The following DYM variants were observed in gnomAD, a reference collection of about 807,000 sequenced individuals.
The protein encoded by DYM is dyggve-Melchior-Clausen syndrome protein.
Under a neutral mutation model 93.1 loss-of-function variants are expected in DYM, and 78 were observed. The ratio of observed to expected loss-of-function variants is 0.84; its 90% CI spans 0.70 to 1.01. The LOEUF (loss-of-function observed/expected upper bound fraction) is 1.01. DYM is among the 50% of genes least tolerant of loss of function. DYM has a pLI of 0.00. For missense variants in DYM, 789 were observed against 845.0 expected, an observed-to-expected ratio of 0.93 and a Z score of 0.82; for synonymous variants, 321 against 319.7, an observed-to-expected ratio of 1.00 and a Z score of -0.04.
At chr18:49,139,366 T>C (rs904997263) in intron 15 of DYM, among the ~76,000 whole-genome samples, 2 of 152,204 alleles carry the variant, frequency 1.3e-5, no homozygotes, top group African/African-American at 4.8e-5. Context: ...TTTTAAATTT[T>C]ATAATTTTCA....
intron 13 of DYM, among the ~76,000 whole-genome samples, chr18:49,242,305 T>C (rs2094033143): frequency 6.6e-6 from 1 of 152,104 alleles, no homozygotes; most frequent in South Asian, 2.1e-4. Context: ...TCCCAGCTAC[T>C]TGGGAGGCTG....
At chr18:49,313,461 A>C (rs12960714) in intron 8 of DYM, among the ~76,000 whole-genome samples, 4 of 106,370 alleles carry the variant, frequency 3.8e-5, no homozygotes, top group Admixed American at 9.4e-5. Context: ...AGACTCTGTC[A>C]CAAAAAAAAA....
chr18:49,308,809 T>C (rs2146312210), intron 8 of DYM, among the ~76,000 whole-genome samples: 1 of 152,264 alleles, frequency 6.6e-6, no homozygotes, highest in East Asian at 1.9e-4. Context: ...AATGGCTTCC[T>C]GCTCAGGTAG....
At chr18:49,391,327 C>A (rs747068556) in intron 3 of DYM, 1 of 399,476 alleles carries the variant, frequency 2.5e-6, no homozygotes, top group Non-Finnish European at 4.7e-6. Flanking sequence ...TTCAGTATTT[C>A]AAAATTCACA....
chr18:49,199,260 G>A (rs1057038217), intron 14 of DYM, among the ~76,000 whole-genome samples: 2 of 152,190 alleles, frequency 1.3e-5, no homozygotes, highest in Non-Finnish European at 2.9e-5. Flanking sequence ...GATAGCATTA[G>A]GAGATATACC....
At chr18:49,196,462 C>CACAG (rs1298868220) in intron 14 of DYM, among the ~76,000 whole-genome samples, 1 of 151,948 alleles carries the variant, frequency 6.6e-6, no homozygotes, top group African/African-American at 2.4e-5. Context: ...CACACACACA[C>CACAG]ACACATTTTC....
At chr18:49,400,423 C>T (rs2070680974) in intron 2 of DYM, among the ~76,000 whole-genome samples, 1 of 152,118 alleles carries the variant, frequency 6.6e-6, no homozygotes, top group Non-Finnish European at 1.5e-5. Flanking sequence ...GCACCACTGC[C>T]ACTGCCTCGT....
chr18:49,358,733 T>C (rs1309045912), intron 6 of DYM, among the ~76,000 whole-genome samples: 1 of 152,152 alleles, frequency 6.6e-6, no homozygotes, highest in Non-Finnish European at 1.5e-5. Flanking sequence ...AGGCCTACTC[T>C]GAGCAGACCT....
chr18:49,306,688 T>G (rs1422286572), intron 8 of DYM, among the ~76,000 whole-genome samples: 2 of 152,236 alleles, frequency 1.3e-5, no homozygotes, highest in Non-Finnish European at 1.5e-5. Flanking sequence ...AACAGGCTTC[T>G]AACTTCTCGA....
chr18:49,124,553 C>T (rs2082651726), intron 15 of DYM, among the ~76,000 whole-genome samples: 1 of 151,186 alleles, frequency 6.6e-6, no homozygotes, highest in Admixed American at 6.6e-5. Context: ...GCATGTTCTA[C>T]ATTAGTTTTT....
At chr18:49,333,700 A>G (rs974002021) in intron 7 of DYM, 28 bp downstream of exon 7, 2 of 1,611,080 alleles carry the variant, frequency 1.2e-6, no homozygotes, top group Non-Finnish European at 1.7e-6. Flanking sequence ...CAATGAAAAA[A>G]CTAGACATAC....
intron 1 of DYM, among the ~76,000 whole-genome samples, chr18:49,435,805 A>C (rs2080810756): frequency 6.6e-6 from 1 of 152,134 alleles, no homozygotes; most frequent in Admixed American, 6.5e-5. Context: ...AAACAAAAAC[A>C]AACAAACAAA....
At chr18:49,394,039 A>C (rs2069729673) in intron 2 of DYM, among the ~76,000 whole-genome samples, 2 of 152,154 alleles carry the variant, frequency 1.3e-5, no homozygotes, top group South Asian at 2.1e-4. Context: ...CAAGATTAAA[A>C]AGTTTTAGAG....
rs2070903682 is a variant in DYM, at chr18:49,041,216, G to A, written c.*2839C>T. Among the ~76,000 whole-genome samples, 1 of 152,218 alleles carries A rather than the reference G, an allele frequency of 6.6e-6. No individual in the cohort carries two copies. The highest frequency in any genetic ancestry group is 2.4e-5 in the African/African-American group (1 of 41,456). ...CTGTGGGAACTAGAGTTAGAAATCT[G>A]AAGCTCTTCTGCAAAGTGCCTTGAA... On this transcript the variant is annotated 3_prime_UTR_variant, in exon 18 of 18. Coordinates refer to ENST00000675505, the MANE Select transcript of DYM (RefSeq NM_001353214.3).
chr18:49,197,405 G>A (rs2091564678), intron 14 of DYM, among the ~76,000 whole-genome samples: 1 of 152,072 alleles, frequency 6.6e-6, no homozygotes, highest in Non-Finnish European at 1.5e-5. Context: ...GAAGCCAAAA[G>A]AGGGTGGGGC....
intron 8 of DYM, among the ~76,000 whole-genome samples, chr18:49,323,051 C>G (rs982512189): frequency 2.0e-5 from 3 of 152,184 alleles, no homozygotes; most frequent in African/African-American, 4.8e-5. Context: ...TAACCCATAG[C>G]TAGATCCTCC....
chr18:49,218,211 T>A (rs1467519341), intron 13 of DYM, among the ~76,000 whole-genome samples: 1 of 152,184 alleles, frequency 6.6e-6, no homozygotes, highest in Non-Finnish European at 1.5e-5. Flanking sequence ...CTAACTATCC[T>A]AAATATATAT....
rs1233408353 is a variant in DYM at position 49,433,706 on chromosome 18, A to G, written c.-53-3259T>C. On this transcript the variant is annotated intron_variant, in intron 1 of 17. Transcript: ENST00000675505. ...AACATAGTGAAAACCCGTCTCTACT[A>G]AAAATACAAAAATTAGCTAGGCATG... Among the ~76,000 whole-genome samples the G allele has an allele frequency of 2.0e-5, 3 of 151,946 alleles. No individual in the cohort carries two copies. In the East Asian group the frequency reaches 5.8e-4, roughly 29 times the overall value.
intron 8 of DYM, among the ~76,000 whole-genome samples, chr18:49,302,077 T>G (rs2060972187): frequency 6.6e-6 from 1 of 152,184 alleles, no homozygotes; most frequent in Non-Finnish European, 1.5e-5. Flanking sequence ...AAATTCCAGA[T>G]GAAATCATTA....
Sources: gnomAD v4.1 joint callset for allele counts (sites outside exome capture counted in the v4.1 genomes callset) on GRCh38, gnomAD v4.1.1 for gene constraint, MANE v1.5 for transcripts, NCBI Gene and HGNC (gene_info 2026-07-23, HGNC 2026-07-21) for gene names.